Variants in ZNF407 observed in about 807,000 individuals in gnomAD.
ZNF407 encodes zinc finger protein 407.
ZNF407 carries 17 observed loss-of-function variants against 131.2 expected under a neutral mutation model. The ratio of observed to expected loss-of-function variants is 0.13; its 90% CI spans 0.09 to 0.19. ZNF407 has a LOEUF of 0.19. ZNF407 is among the 10% of genes least tolerant of loss of function. ZNF407 has a pLI of 1.00. For missense variants in ZNF407, 2,681 were observed against 2,830.6 expected (o/e 0.95, Z 1.20); for synonymous variants, 1,156 against 1,062.0 (o/e 1.09, Z -1.72).
chr18:74,653,130 T>C (rs1354966442), intron 3 of ZNF407, among the ~76,000 whole-genome samples: 1 of 151,958 alleles, frequency 6.6e-6, no homozygotes, highest in Admixed American at 6.6e-5. Flanking sequence ...ATTAAGCCTA[T>C]CAAGATAGCC....
chr18:74,728,123 C>G (rs1002820641), intron 3 of ZNF407, among the ~76,000 whole-genome samples: 10 of 152,030 alleles, frequency 6.6e-5, no homozygotes, highest in South Asian at 4.1e-4. Context: ...GAAAAAACTG[C>G]AGGATTTGGC....
At chr18:74,700,480 T>C (rs535504808) in intron 3 of ZNF407, among the ~76,000 whole-genome samples, 2 of 152,330 alleles carry the variant, frequency 1.3e-5, no homozygotes, top group East Asian at 3.9e-4. Context: ...CTTTGCACTT[T>C]CCTCCATCAA....
intron 3 of ZNF407, among the ~76,000 whole-genome samples, chr18:74,755,649 C>T (rs534493533): frequency 2.3e-4 from 32 of 140,972 alleles, no homozygotes; most frequent in Non-Finnish European, 3.8e-4. Flanking sequence ...AGTGCAGTGG[C>T]GCTATCTCAG....
At chr18:74,682,221 T>TA (rs770693705) in intron 3 of ZNF407, among the ~76,000 whole-genome samples, 1 of 152,212 alleles carries the variant, frequency 6.6e-6, no homozygotes, top group Non-Finnish European at 1.5e-5. Flanking sequence ...TCAGTTGCTT[T>TA]AAAGATCCTT....
intron 3 of ZNF407, among the ~76,000 whole-genome samples, chr18:74,729,581 T>C (rs755483263): frequency 6.6e-6 from 1 of 152,116 alleles, no homozygotes; most frequent in African/African-American, 2.4e-5. Flanking sequence ...TGAGGAGCGC[T>C]CAGCATATAT....
intron 7 of ZNF407, among the ~76,000 whole-genome samples, chr18:74,893,716 T>C (rs1971417908): frequency 6.6e-6 from 1 of 152,178 alleles, no homozygotes; most frequent in African/African-American, 2.4e-5. Context: ...TTTTCATAGA[T>C]TTAATAAGTC....
intron 3 of ZNF407, among the ~76,000 whole-genome samples, chr18:74,677,530 C>T (rs1986442529): frequency 6.6e-6 from 1 of 151,250 alleles, no homozygotes; most frequent in Non-Finnish European, 1.5e-5. Flanking sequence ...ATAGTATTTT[C>T]TTTTTTTTTC....
intron 3 of ZNF407, among the ~76,000 whole-genome samples, chr18:74,730,272 C>T (rs535764): frequency 0.91 from 139,118 of 152,306 alleles, 63,587 homozygotes; most frequent in African/African-American, 0.94. Context: ...TAATATTCTC[C>T]CTGTAATGGC....
intron 8 of ZNF407, among the ~76,000 whole-genome samples, chr18:74,975,301 G>C (rs970492937): frequency 2.0e-5 from 3 of 152,156 alleles, no homozygotes; most frequent in African/African-American, 7.2e-5. Flanking sequence ...CCCATATGTT[G>C]TGGTTAGGCA....
chr18:75,052,845 A>G (rs1216947594), intron 8 of ZNF407, among the ~76,000 whole-genome samples: 1 of 152,128 alleles, frequency 6.6e-6, no homozygotes, highest in South Asian at 2.1e-4. Flanking sequence ...ATGTGCGTGG[A>G]TGTCACTCCC....
intron 4 of ZNF407, among the ~76,000 whole-genome samples, chr18:74,849,227 T>C (rs1422222790): frequency 2.0e-5 from 3 of 151,842 alleles, no homozygotes; most frequent in East Asian, 3.9e-4. Flanking sequence ...TACAGGCGCC[T>C]GCCACAACAC....
At chr18:74,911,681 A>G (rs1451512616) in intron 7 of ZNF407, among the ~76,000 whole-genome samples, 1 of 152,138 alleles carries the variant, frequency 6.6e-6, no homozygotes, top group African/African-American at 2.4e-5. Flanking sequence ...AACTACTACT[A>G]TTATTTTCAA....
At chr18:74,990,714 C>G (rs1022639820) in intron 8 of ZNF407, among the ~76,000 whole-genome samples, 1 of 152,160 alleles carries the variant, frequency 6.6e-6, no homozygotes, top group African/African-American at 2.4e-5. Context: ...AAAACAAAAC[C>G]TCACACTCAA....
intron 5 of ZNF407, among the ~76,000 whole-genome samples, chr18:74,878,139 T>C (rs2145181414): frequency 6.6e-6 from 1 of 152,238 alleles, no homozygotes; most frequent in South Asian, 2.1e-4. Context: ...GATTTCTTTT[T>C]TATAGTCTAA....
chr18:75,060,371 C>G (rs529382460), intron 8 of ZNF407: 1 of 152,256 alleles, frequency 6.6e-6, no homozygotes, highest in South Asian at 2.1e-4. Flanking sequence ...CCTGGCTCCC[C>G]CCTGCGGTTC....
At chr18:75,051,623 T>C (rs899404159) in intron 8 of ZNF407, among the ~76,000 whole-genome samples, 2 of 152,228 alleles carry the variant, frequency 1.3e-5, no homozygotes, top group Admixed American at 1.3e-4. Flanking sequence ...AGAATTGATA[T>C]GCAATGGAAT....
intron 4 of ZNF407, among the ~76,000 whole-genome samples, chr18:74,865,086 G>A (rs573384238): frequency 1.8e-4 from 28 of 152,242 alleles, no homozygotes; most frequent in Admixed American, 8.5e-4. Context: ...CTATCTTTGC[G>A]CAGATGCTGT....
intron 4 of ZNF407, among the ~76,000 whole-genome samples, chr18:74,847,017 A>C (rs1021568547): frequency 3.9e-5 from 6 of 152,076 alleles, no homozygotes; most frequent in African/African-American, 1.2e-4. Context: ...GGTTTACATG[A>C]AGTTTTTCTG....
intron 4 of ZNF407, among the ~76,000 whole-genome samples, chr18:74,819,716 G>T (rs1261240283): frequency 6.6e-6 from 1 of 152,190 alleles, no homozygotes; most frequent in Admixed American, 6.5e-5. Flanking sequence ...TCACCGAAAC[G>T]TGTAGGTGGT....
Sources: gnomAD v4.1 joint callset for allele counts (sites outside exome capture counted in the v4.1 genomes callset) on GRCh38, gnomAD v4.1.1 for gene constraint, MANE v1.5 for transcripts, NCBI Gene and HGNC (gene_info 2026-07-23, HGNC 2026-07-21) for gene names.